DZIP1L: variants seen among roughly 807,000 people sequenced by gnomAD.
DZIP1L encodes the protein DAZ interacting zinc finger protein 1 like, also known as cilium assembly protein DZIP1L.
Under a neutral mutation model 88.7 loss-of-function variants are expected in DZIP1L, and 90 were observed. The ratio of observed to expected loss-of-function variants is 1.02; its 90% CI spans 0.86 to 1.21. The LOEUF is 1.21. Among genes scored for constraint, DZIP1L ranks in the 50% most tolerant of loss-of-function variants. The probability of loss-of-function intolerance (pLI) is 0.00; values close to 1 mark genes in which losing one functional copy is unlikely to be tolerated. For missense variants in DZIP1L, 932 were observed against 955.8 expected, an observed-to-expected ratio of 0.98 and a Z score of 0.33; for synonymous variants, 363 against 372.1, an observed-to-expected ratio of 0.98 and a Z score of 0.28.
Position 138,114,301 on chromosome 3 carries a change from C to A in DZIP1L, c.-82+1027G>T, listed in dbSNP as rs144402722. On this transcript the variant is annotated intron_variant, in intron 1 of 15. Coordinates refer to ENST00000327532, the MANE Select transcript of DZIP1L (RefSeq NM_173543.3). ...CAAATATCAGCTCCATGGCACAACC[C>A]ACAGTTATGGTGCCCACATGAACTC... is the stretch of plus-strand genomic sequence containing the variant. Among the ~76,000 whole-genome samples the A allele has an allele frequency of 2.0e-5, 3 of 152,332 alleles. No individual in the cohort carries two copies. In the East Asian group the frequency reaches 5.8e-4, roughly 29 times the overall value.
intron 4 of DZIP1L, among the ~76,000 whole-genome samples, chr3:138,093,725 T>C (rs567389133): frequency 1.3e-5 from 2 of 152,368 alleles, no homozygotes; most frequent in East Asian, 1.9e-4. Flanking sequence ...CTTAAACCTA[T>C]GAACCAATCT....
intron 1 of DZIP1L, among the ~76,000 whole-genome samples, chr3:138,114,416 T>G (rs1348239073): frequency 6.6e-6 from 1 of 151,902 alleles, no homozygotes; most frequent in Non-Finnish European, 1.5e-5. Context: ...ATGAGGGAGG[T>G]GTCTGACCAA....
chr3:138,071,508 C>T, intron 12 of DZIP1L, 135 bp downstream of exon 12: 1 of 1,005,836 alleles, frequency 9.9e-7, no homozygotes, highest in Non-Finnish European at 1.4e-6. Context: ...CTGTAAGGAC[C>T]CTACCAGCTC....
chr3:138,088,273 C>T (rs1240866513), intron 6 of DZIP1L, 106 bp downstream of exon 6: 8 of 1,411,000 alleles, frequency 5.7e-6, no homozygotes, highest in South Asian at 1.6e-5. Context: ...AAATATAGAA[C>T]TTTGATGTCC....
intron 11 of DZIP1L, among the ~76,000 whole-genome samples, chr3:138,076,947 T>TATACATACATACATGTATATAC (rs1279894650): frequency 6.6e-5 from 10 of 151,728 alleles, no homozygotes; most frequent in Admixed American, 2.0e-4. Flanking sequence ...GAAAATAAAA[T>TATACATACATACATGTATATAC]ATACATACAT....
At chr3:138,076,345 A>G (rs1006729516) in intron 11 of DZIP1L, among the ~76,000 whole-genome samples, 5 of 152,248 alleles carry the variant, frequency 3.3e-5, no homozygotes, top group African/African-American at 1.2e-4. Flanking sequence ...ACTATGGAAA[A>G]GTGTGGAGAT....
chr3:138,110,039 A>C (rs967004498), intron 1 of DZIP1L, among the ~76,000 whole-genome samples: 3 of 152,252 alleles, frequency 2.0e-5, no homozygotes, highest in African/African-American at 4.8e-5. Flanking sequence ...CCTATGTAAC[A>C]AACATGCACG....
rs769313964 is a variant in DZIP1L, at chr3:138,088,539, T to C, written c.871-32A>G. ...AGGCCAGGGCATAGTTTTATTCAGA[T>C]GAAGATCTCATCATGATGTTGTCTT... On this transcript the variant is annotated intron_variant, in intron 5 of 15. Coordinates refer to ENST00000327532, the MANE Select transcript of DZIP1L (RefSeq NM_173543.3). The C allele has an allele frequency of 1.2e-5, 20 of 1,606,728 alleles. No homozygotes were observed. The Admixed American group carries it at 3.4e-4, about 27-fold the overall frequency.
chr3:138,077,396 A>G (rs1374605069), intron 11 of DZIP1L, 103 bp downstream of exon 11: 1 of 1,510,634 alleles, frequency 6.6e-7, no homozygotes, highest in East Asian at 2.3e-5. Context: ...AGTGAGATGA[A>G]TGAGCTCACA....
Position 138,084,178 on chromosome 3 carries a change from G to A in DZIP1L, c.1138C>T (p.Gln380Ter), listed in dbSNP as rs766028830. ...QKKAAAQSQC[Q>*]ISTLRAQLQE... ...AGCTGGGCACGGAGGGTGCTGATCT[G>A]GCACTGGGACTGGGCAGCTGCCTTC... is the stretch of plus-strand genomic sequence containing the variant. Residue 380 changes from glutamine to a stop codon, truncating the protein, a stop_gained, in exon 8 of 16, where the codon CAG (glutamine) becomes TAG (stop). Coordinates refer to ENST00000327532, the MANE Select transcript of DZIP1L (RefSeq NM_173543.3). LOFTEE classifies it high-confidence loss of function. 1.2e-5 allele frequency: 19 copies of A among 1,614,086 alleles called. No homozygotes were observed. The highest frequency in any genetic ancestry group is 1.6e-5 in the Non-Finnish European group (19 of 1,180,040).
Position 138,081,783 on chromosome 3 carries a change from G to C in DZIP1L, c.1204-19C>G, listed in dbSNP as rs746554983. On this transcript the variant is annotated intron_variant, in intron 8 of 15. Transcript: ENST00000327532. ...ACTGGATCTGCAAAGAGGTGGAATA[G>C]AGCGGGTTACAACCAGCAGAGAACA... is the stretch of plus-strand genomic sequence containing the variant. The C allele has an allele frequency of 4.3e-6, 7 of 1,612,880 alleles. No individual in the cohort carries two copies. Among genetic ancestry groups the C allele is most frequent in the East Asian group, 2.2e-5 (1 of 44,808 alleles).
chr3:138,110,307 G>A (rs2042597103), intron 1 of DZIP1L, among the ~76,000 whole-genome samples: 1 of 152,098 alleles, frequency 6.6e-6, no homozygotes, highest in Admixed American at 6.5e-5. Context: ...GTTGGGGGAT[G>A]GAGGGCTGGG....
chr3:138,092,937 C>T (rs1350843888), intron 4 of DZIP1L, among the ~76,000 whole-genome samples: 1 of 152,200 alleles, frequency 6.6e-6, no homozygotes, highest in Non-Finnish European at 1.5e-5. Context: ...CAAAGTCATC[C>T]ACGATGGCTA....
chr3:138,096,345 T>C (rs1238774087), intron 3 of DZIP1L, among the ~76,000 whole-genome samples: 2 of 152,232 alleles, frequency 1.3e-5, no homozygotes, highest in Non-Finnish European at 2.9e-5. Flanking sequence ...TGATTTATAA[T>C]AAATAAATGT....
chr3:138,069,022 A>G, intron 12 of DZIP1L: 2 of 1,269,002 alleles, frequency 1.6e-6, no homozygotes, highest in Non-Finnish European at 2.0e-6. Flanking sequence ...GTAATTCAAG[A>G]TCAGAAAATG....
Position 138,103,788 on chromosome 3 carries a change from T to C in DZIP1L, c.184A>G (p.Ile62Val). 1 of 1,614,134 alleles carries C rather than the reference T, an allele frequency of 6.2e-7. No individual in the cohort carries two copies. Among genetic ancestry groups the C allele is most frequent in the Non-Finnish European group, 8.5e-7 (1 of 1,180,030 alleles). Residue 62 changes from isoleucine to valine, a missense_variant, in exon 2 of 16, where the codon ATC becomes GTC. By Grantham distance (29) the Ile-to-Val change is conservative. Transcript: ENST00000327532. ...TCCCGGTCCAAGTTGCAGAAGGTGA[T>C]GCCAGCAATATTCTCCTGCAGAGTG... ...VATLQENIAG[I>V]TFCNLDREVC...
intron 2 of DZIP1L, chr3:138,101,388 G>A (rs1042857172): frequency 2.4e-5 from 16 of 680,078 alleles, no homozygotes; most frequent in African/African-American, 1.1e-4. Context: ...TGGGTCTCCC[G>A]TTCCCTGTGC....
At chr3:138,106,039 C>T (rs6768849) in intron 1 of DZIP1L, among the ~76,000 whole-genome samples, 4,388 of 149,498 alleles carry the variant, frequency 0.029, 227 homozygotes, top group African/African-American at 0.1. Context: ...TCAGTTCTTG[C>T]AGAAGTGAGA....
intron 2 of DZIP1L, chr3:138,101,504 C>CG: frequency 1.3e-6 from 1 of 781,318 alleles, no homozygotes; most frequent in Non-Finnish European, 2.3e-6. Flanking sequence ...TCAGAGGACT[C>CG]GGACACCAGC....
Sources: allele counts gnomAD v4.1 joint callset (sites outside exome capture counted in the v4.1 genomes callset), GRCh38; gene constraint gnomAD v4.1.1; transcripts MANE v1.5; gene names NCBI Gene and HGNC (gene_info 2026-07-23, HGNC 2026-07-21).